NAALADL2: variants seen among roughly 807,000 people sequenced by gnomAD.
NAALADL2 encodes the protein inactive N-acetylated-alpha-linked acidic dipeptidase-like protein 2.
NAALADL2 carries 76 observed loss-of-function variants against 87.2 expected under a neutral mutation model. That is an observed-to-expected ratio of 0.87 (90% CI 0.72 to 1.05). NAALADL2 has a LOEUF of 1.05. NAALADL2 is among the 50% of genes least tolerant of loss of function. The pLI is 0.00. For missense variants in NAALADL2, 1,089 were observed against 945.8 expected (o/e 1.15, Z -1.99); for synonymous variants, 354 against 331.0 (o/e 1.07, Z -0.75).
At chr3:175,602,312 T>G (rs1723069625) in intron 10 of NAALADL2, among the ~76,000 whole-genome samples, 1 of 152,094 alleles carries the variant, frequency 6.6e-6, no homozygotes, top group African/African-American at 2.4e-5. Flanking sequence ...GATTAATCAC[T>G]AATTAATTTA....
chr3:174,469,208 G>A (rs933592010), intron 1 of NAALADL2, among the ~76,000 whole-genome samples: 7 of 151,842 alleles, frequency 4.6e-5, no homozygotes, highest in Non-Finnish European at 1.0e-4. Context: ...CTTCTCCTCT[G>A]GACATCATTT....
In NAALADL2 at chr3:174,701,850, A is replaced by G. The variant is rs755370943; in HGVS notation, c.-114-35791A>G. 4.6e-5 allele frequency among the ~76,000 whole-genome samples: 7 copies of G among 152,236 alleles called. No individual in the cohort carries two copies. The South Asian group carries it at 6.2e-4, about 14-fold the overall frequency. On this transcript the variant is annotated intron_variant, in intron 2 of 3. Coordinates refer to the NAALADL2 transcript ENST00000434257. ...TTGTTTATTCATTCATGTGTCGGAC[A>G]TTTGGATTGTTTTCAGATTTTTGCA...
intron 2 of NAALADL2, among the ~76,000 whole-genome samples, chr3:175,159,505 G>A (rs754286328): frequency 5.3e-5 from 8 of 152,136 alleles, no homozygotes; most frequent in Non-Finnish European, 8.8e-5. Context: ...GCCTTCATGA[G>A]ATTTTTGACA....
chr3:174,885,788 C>G (rs1250168000), intron 1 of NAALADL2, among the ~76,000 whole-genome samples: 1 of 145,584 alleles, frequency 6.9e-6, no homozygotes, highest in East Asian at 2.1e-4. Flanking sequence ...CTAGCAGTAA[C>G]TAGCATAAAA....
chr3:174,546,765 C>T (rs1032613303), intron 1 of NAALADL2, among the ~76,000 whole-genome samples: 1 of 152,184 alleles, frequency 6.6e-6, no homozygotes, highest in African/African-American at 2.4e-5. Flanking sequence ...TCAAGCAATC[C>T]TCCCGCCTCA....
intron 1 of NAALADL2, among the ~76,000 whole-genome samples, chr3:174,548,902 C>T (rs567543549): frequency 6.6e-6 from 1 of 152,298 alleles, no homozygotes; most frequent in African/African-American, 2.4e-5. Context: ...TGCAGTGGCA[C>T]GATCACAGCT....
chr3:174,662,124 T>A (rs912585854), intron 2 of NAALADL2, among the ~76,000 whole-genome samples: 11 of 151,968 alleles, frequency 7.2e-5, no homozygotes, highest in South Asian at 2.1e-4. Context: ...TTTGAAAATT[T>A]AAAAAAAATT....
chr3:175,426,966 A>G lies in NAALADL2; in HGVS notation c.1091-20263A>G, dbSNP rs1716889152. On this transcript the variant is annotated intron_variant, in intron 5 of 13. Coordinates refer to ENST00000454872, the MANE Select transcript of NAALADL2 (RefSeq NM_207015.3). ...ACTAAGCAACCTGAGCAACCTCATG[A>G]TGACTGTTCACATACGTAATGAGTT... Among the ~76,000 whole-genome samples, 3 of 152,156 alleles carry G rather than the reference A, an allele frequency of 2.0e-5. No homozygotes were observed. In the South Asian group the frequency reaches 6.2e-4, roughly 31 times the overall value.
chr3:175,667,253 GAA>G (rs1560943837), intron 11 of NAALADL2, among the ~76,000 whole-genome samples: 25 of 138,436 alleles, frequency 1.8e-4, no homozygotes, highest in African/African-American at 7.7e-4. Context: ...AAGAAAGAAA[GAA>G]AGAAAGAAAG....
intron 1 of NAALADL2, among the ~76,000 whole-genome samples, chr3:174,494,183 T>G (rs551244912): frequency 6.6e-6 from 1 of 152,244 alleles, no homozygotes; most frequent in East Asian, 1.9e-4. Context: ...TGGGAAATGT[T>G]AGGTGTCGCT....
At chr3:174,588,712 G>T (rs148774234) in intron 2 of NAALADL2, among the ~76,000 whole-genome samples, 1,761 of 152,260 alleles carry the variant, frequency 0.012, 14 homozygotes, top group Non-Finnish European at 0.017. Flanking sequence ...AATGGCAAAT[G>T]TTGCTTCCTG....
intron 5 of NAALADL2, among the ~76,000 whole-genome samples, chr3:175,380,323 T>G (rs1297134972): frequency 6.6e-6 from 1 of 152,184 alleles, no homozygotes; most frequent in East Asian, 1.9e-4. Flanking sequence ...TTTGAAAGAA[T>G]GTCTGTGTGT....
At chr3:175,771,967 G>C (rs907735710) in intron 13 of NAALADL2, among the ~76,000 whole-genome samples, 1 of 152,104 alleles carries the variant, frequency 6.6e-6, no homozygotes, top group Admixed American at 6.6e-5. Flanking sequence ...ACTATCATGA[G>C]AACAGCAAGA....
chr3:175,600,667 A>G (rs1337365102), intron 10 of NAALADL2, among the ~76,000 whole-genome samples: 2 of 149,960 alleles, frequency 1.3e-5, no homozygotes, highest in Non-Finnish European at 3.0e-5. Context: ...CCTCCCGAGT[A>G]GCTGGGACTA....
At position 174,787,572 on chromosome 3, in the gene NAALADL2, TCA is replaced by T. The variant is rs1158817613; in HGVS notation, c.-9+49827_-9+49828del. 1.0e-3 allele frequency among the ~76,000 whole-genome samples: 86 copies of T among 85,138 alleles called. 1 individual carries two copies. Among genetic ancestry groups the T allele is most frequent in the African/African-American group, 3.2e-3 (78 of 24,476 alleles). The allele number at this position is 85,138 out of a possible 152,430, so 55.9% of individuals were successfully genotyped here. On this transcript the variant is annotated intron_variant, in intron 3 of 3. Transcript: ENST00000434257. ...TATTTTAATAGAAGAAGGCAATATA[TCA>T]TCATATATATATATATATATATATA... is the stretch of plus-strand genomic sequence containing the variant.
At chr3:174,866,369 C>T (rs1727144937) in intron 1 of NAALADL2, among the ~76,000 whole-genome samples, 1 of 151,580 alleles carries the variant, frequency 6.6e-6, no homozygotes, top group South Asian at 2.1e-4. Flanking sequence ...ATATTTGTCA[C>T]AAAAACATTT....
intron 11 of NAALADL2, among the ~76,000 whole-genome samples, chr3:175,667,232 AAAG>A: frequency 9.5e-6 from 1 of 105,640 alleles, no homozygotes; most frequent in Non-Finnish European, 1.8e-5. Context: ...AGAAAGAAAG[AAAG>A]AAAGAAAAAG....
chr3:174,652,884 CA>C (rs1376213222), intron 2 of NAALADL2, among the ~76,000 whole-genome samples: 1 of 151,650 alleles, frequency 6.6e-6, no homozygotes. Context: ...CAGAAAAACC[CA>C]ATGGAAAAAT....
intron 10 of NAALADL2, among the ~76,000 whole-genome samples, chr3:175,594,578 C>T (rs975892293): frequency 2.6e-5 from 4 of 152,078 alleles, no homozygotes; most frequent in Non-Finnish European, 5.9e-5. Context: ...GAGAAATTGC[C>T]AAACTGCTTT....
Sources: gnomAD v4.1 joint callset for allele counts (sites outside exome capture counted in the v4.1 genomes callset) on GRCh38, gnomAD v4.1.1 for gene constraint, MANE v1.5 for transcripts, NCBI Gene and HGNC (gene_info 2026-07-23, HGNC 2026-07-21) for gene names.